Variants in DCC observed in about 807,000 individuals in gnomAD.
DCC encodes the protein DCC netrin 1 receptor.
In DCC, 58 loss-of-function variants were observed where a neutral mutation model predicts 172.5. That is an observed-to-expected ratio of 0.34 (90% CI 0.27 to 0.42). The LOEUF is 0.42. DCC is among the 10% of genes least tolerant of loss of function. The pLI is 1.00. For missense variants in DCC, 1,740 were observed against 1,791.0 expected (o/e 0.97, Z 0.51); for synonymous variants, 709 against 644.5 (o/e 1.10, Z -1.52).
chr18:52,394,414 C>A (rs540966402), intron 1 of DCC, among the ~76,000 whole-genome samples: 1 of 151,860 alleles, frequency 6.6e-6, no homozygotes, highest in South Asian at 2.1e-4. Context: ...CACACGTGTG[C>A]TCTACCATAC....
chr18:52,820,024 T>G (rs1268417074), intron 2 of DCC, among the ~76,000 whole-genome samples: 2 of 152,132 alleles, frequency 1.3e-5, no homozygotes, highest in African/African-American at 4.8e-5. Flanking sequence ...CCAGCCAACT[T>G]GTGAACTTTC....
intron 15 of DCC, among the ~76,000 whole-genome samples, chr18:53,368,473 G>GT (rs1406535866): frequency 5.9e-5 from 9 of 151,354 alleles, no homozygotes; most frequent in African/African-American, 2.2e-4. Context: ...TTTTCCTTTT[G>GT]TTACTTACCT....
chr18:52,807,669 A>G (rs527728591), intron 2 of DCC, among the ~76,000 whole-genome samples: 4 of 152,282 alleles, frequency 2.6e-5, no homozygotes, highest in South Asian at 2.1e-4. Context: ...AAATAAATCA[A>G]TTCCACCATA....
intron 1 of DCC, among the ~76,000 whole-genome samples, chr18:52,362,453 G>A (rs12455312): frequency 0.11 from 17,021 of 152,188 alleles, 1,325 homozygotes; most frequent in East Asian, 0.37. Context: ...CAAAAAGATC[G>A]GGGATAAGTG....
At chr18:52,557,088 A>G (rs2032934093) in intron 1 of DCC, among the ~76,000 whole-genome samples, 1 of 152,230 alleles carries the variant, frequency 6.6e-6, no homozygotes. Flanking sequence ...CTTTAAGTTA[A>G]TCTAATAATA....
chr18:53,111,529 C>A (rs562654801), intron 7 of DCC, among the ~76,000 whole-genome samples: 21 of 151,016 alleles, frequency 1.4e-4, no homozygotes, highest in African/African-American at 5.1e-4. Context: ...AAAATGTCCA[C>A]TCTGATATCC....
chr18:52,453,381 G>T (rs1988364581), intron 1 of DCC, among the ~76,000 whole-genome samples: 1 of 152,150 alleles, frequency 6.6e-6, no homozygotes, highest in Non-Finnish European at 1.5e-5. Context: ...AATTCCAAAT[G>T]ATGTAGCACA....
At chr18:52,691,766 T>A (rs986098536) in intron 1 of DCC, among the ~76,000 whole-genome samples, 1 of 152,112 alleles carries the variant, frequency 6.6e-6, no homozygotes, top group Non-Finnish European at 1.5e-5. Flanking sequence ...CGGGGCACAG[T>A]TTAACTCACC....
At chr18:53,325,022 G>A (rs751413647) in intron 14 of DCC, among the ~76,000 whole-genome samples, 7 of 151,712 alleles carry the variant, frequency 4.6e-5, no homozygotes, top group South Asian at 2.1e-4. Flanking sequence ...GTGAAACCCC[G>A]TCTCTACTAA....
chr18:53,325,856 A>G (rs933536537), intron 14 of DCC, among the ~76,000 whole-genome samples: 34 of 152,192 alleles, frequency 2.2e-4, no homozygotes, highest in African/African-American at 8.2e-4. Flanking sequence ...CCAGACAGAT[A>G]ATGGCTGCAC....
intron 1 of DCC, among the ~76,000 whole-genome samples, chr18:52,669,554 A>C (rs2035515011): frequency 6.6e-6 from 1 of 152,222 alleles, no homozygotes; most frequent in Non-Finnish European, 1.5e-5. Flanking sequence ...CTTTCACTGT[A>C]TAAGTCATAA....
At position 53,439,413 on chromosome 18, in the gene DCC, T is replaced by C. The variant is rs558041399; in HGVS notation, c.3229+4204T>C. The stretch of plus-strand genomic sequence containing the variant: ...CTGAGTTTTTAAACCTTGTATACAA[T>C]AAAATTTCATACGTCTCCCCTTAGA... On this transcript the variant is annotated intron_variant, in intron 22 of 28. Coordinates refer to ENST00000442544, the MANE Select transcript of DCC (RefSeq NM_005215.4). Among the ~76,000 whole-genome samples, 3 of 152,286 alleles carry C rather than the reference T, an allele frequency of 2.0e-5. No homozygotes were observed. In the East Asian group the frequency reaches 5.8e-4, roughly 29 times the overall value.
At chr18:52,831,383 C>G (rs776720357) in intron 2 of DCC, among the ~76,000 whole-genome samples, 2 of 152,104 alleles carry the variant, frequency 1.3e-5, no homozygotes, top group Non-Finnish European at 2.9e-5. Context: ...TCAAGCACAT[C>G]GTTCTGGCTG....
intron 5 of DCC, among the ~76,000 whole-genome samples, chr18:52,946,941 A>G (rs2040556400): frequency 6.7e-6 from 1 of 150,256 alleles, no homozygotes; most frequent in African/African-American, 2.4e-5. Context: ...TCCATAATAA[A>G]CAAAATATAC....
chr18:53,499,591 G>A (rs1302629474), intron 27 of DCC, 81 bp downstream of exon 27: 3 of 1,131,660 alleles, frequency 2.7e-6, no homozygotes, highest in East Asian at 4.7e-5. Flanking sequence ...GCTTGAGAAG[G>A]CCTAGATGTC....
intron 7 of DCC, among the ~76,000 whole-genome samples, chr18:53,091,915 T>C (rs2043019298): frequency 6.6e-6 from 1 of 151,944 alleles, no homozygotes; most frequent in Admixed American, 6.6e-5. Flanking sequence ...TATTTATCTT[T>C]AAAATATTGA....
intron 8 of DCC, among the ~76,000 whole-genome samples, chr18:53,163,837 A>C (rs1048792841): frequency 2.0e-5 from 3 of 152,166 alleles, no homozygotes; most frequent in African/African-American, 7.2e-5. Flanking sequence ...ACATTCAGAG[A>C]CCAATGATCA....
intron 2 of DCC, among the ~76,000 whole-genome samples, chr18:52,874,199 G>A (rs1304971341): frequency 6.6e-6 from 1 of 152,142 alleles, no homozygotes; most frequent in Non-Finnish European, 1.5e-5. Flanking sequence ...CTCCTGTAAA[G>A]CAGTAGTGTA....
intron 17 of DCC, among the ~76,000 whole-genome samples, chr18:53,395,710 T>C (rs1002875337): frequency 1.3e-5 from 2 of 152,336 alleles, no homozygotes; most frequent in East Asian, 1.9e-4. Flanking sequence ...TGGCCTGATC[T>C]TGGCTCACTG....
Sources: allele counts gnomAD v4.1 joint callset (sites outside exome capture counted in the v4.1 genomes callset), GRCh38; gene constraint gnomAD v4.1.1; transcripts MANE v1.5; gene names NCBI Gene and HGNC (gene_info 2026-07-23, HGNC 2026-07-21).